BSDC1: variants seen among roughly 807,000 people sequenced by gnomAD.
BSDC1 encodes BSD domain-containing protein 1.
In BSDC1, 29 loss-of-function variants were observed where a neutral mutation model predicts 56.0. The observed-to-expected ratio is 0.52, with a 90% CI of 0.39 to 0.71. The LOEUF is 0.71. Ranked by LOEUF, BSDC1 falls within the 30% of genes least tolerant of loss-of-function variation. BSDC1 has a pLI of 0.00. For synonymous variants in BSDC1, 210 were observed against 215.3 expected (o/e 0.98, Z 0.21); for missense variants, 477 against 548.5 (o/e 0.87, Z 1.30).
At chr1:32,381,733 T>C (rs1488991137) in intron 4 of BSDC1, among the ~76,000 whole-genome samples, 1 of 152,224 alleles carries the variant, frequency 6.6e-6, no homozygotes, top group African/African-American at 2.4e-5. Context: ...CAAACTTAGC[T>C]GGCAAAGACA....
intron 2 of BSDC1, 88 bp downstream of exon 2, chr1:32,393,992 G>A (rs954464137): frequency 1.1e-5 from 16 of 1,394,398 alleles, no homozygotes; most frequent in Non-Finnish European, 1.5e-5. Context: ...CTTAGCGCCC[G>A]CAAAAGTTGG....
chr1:32,374,949 G>A (rs1046366553), intron 9 of BSDC1, among the ~76,000 whole-genome samples: 2 of 152,028 alleles, frequency 1.3e-5, no homozygotes, highest in African/African-American at 4.8e-5. Flanking sequence ...TCAGGAGATC[G>A]AGACCATCCT....
In BSDC1 at chr1:32,376,669, G is replaced by C. The variant is rs1405324468; in HGVS notation, c.749C>G (p.Pro250Arg). 7.1e-7 allele frequency: 1 copy of C among 1,417,532 alleles called. No individual in the cohort carries two copies. Among genetic ancestry groups the C allele is most frequent in the South Asian group, 1.9e-5 (1 of 53,150 alleles). The allele number at this position is 1,417,532 out of a possible 1,614,324, so 87.8% of individuals were successfully genotyped here. A position where few individuals can be genotyped will look rare whatever the true frequency, so the allele number is the denominator to read the frequency against. Residue 250 changes from proline (P) to arginine (R), a missense_variant, in exon 9 of 11, where the codon CCT (proline) becomes CGT (arginine). Pro to Arg is a moderately radical substitution (Grantham distance 103). Coordinates refer to ENST00000455895, the MANE Select transcript of BSDC1 (RefSeq NM_018045.8). ...KVPVAKISTF[P>R]EGEPGPQSPC... The stretch of plus-strand genomic sequence containing the variant: ...GCTCTGGGGGCCAGGTTCTCCTTCA[G>C]GGAATGTAGAAATTTTGGCCACAGG...
intron 2 of BSDC1, chr1:32,393,727 T>C (rs1017605073): frequency 3.4e-6 from 1 of 291,650 alleles, no homozygotes; most frequent in East Asian, 7.2e-5. Context: ...ACTATACGAG[T>C]AAGTTTTTTT....
At chr1:32,371,705 ACTC>A (rs1642095784) in intron 9 of BSDC1, among the ~76,000 whole-genome samples, 1 of 148,912 alleles carries the variant, frequency 6.7e-6, no homozygotes, top group Non-Finnish European at 1.5e-5. Flanking sequence ...TCTCCGACCT[ACTC>A]CTCACCAGAT....
intron 5 of BSDC1, among the ~76,000 whole-genome samples, chr1:32,380,616 AT>A (rs1228232139): frequency 1.3e-5 from 2 of 152,204 alleles, no homozygotes; most frequent in Non-Finnish European, 2.9e-5. Flanking sequence ...ATTGCACTCC[AT>A]CCTGGGAGAC....
chr1:32,369,733 G>A (rs1012254959), intron 9 of BSDC1, among the ~76,000 whole-genome samples: 1 of 152,188 alleles, frequency 6.6e-6, no homozygotes, highest in African/African-American at 2.4e-5. Context: ...CCTTCTAGAT[G>A]TGGCCTACAC....
Position 32,366,569 on chromosome 1 carries a change from A to AGCGAGGGAG in BSDC1, c.*44_*52dup. The AGCGAGGGAG allele has an allele frequency of 1.4e-6, 2 of 1,456,300 alleles. No homozygotes were observed. Among genetic ancestry groups the AGCGAGGGAG allele is most frequent in the Non-Finnish European group, 1.9e-6 (2 of 1,061,426 alleles). The allele number at this position is 1,456,300 out of a possible 1,614,324, so 90.2% of individuals were successfully genotyped here. ...AGTCTTCCAGGGCTGGGCTGAGACG[A>AGCGAGGGAG]GCGAGGGAGGCGAGAGATGCCATGG... On this transcript the variant is annotated 3_prime_UTR_variant, in exon 11 of 11. Coordinates refer to ENST00000455895, the MANE Select transcript of BSDC1 (RefSeq NM_018045.8).
Position 32,378,409 on chromosome 1 carries a change from G to A in BSDC1, c.529-126C>T. On this transcript the variant is annotated intron_variant, in intron 6 of 10. Transcript: ENST00000455895. The surrounding 1 kb of genome is among the most constrained non-coding windows in gnomAD (Gnocchi z 5.2). ...CCCAGTAAGTGGCTTAGCAGTGACA[G>A]TCAGAGCACTTCCACCCCCACCAAA... The A allele has an allele frequency of 1.1e-6, 1 of 917,048 alleles. No homozygotes were observed. Among genetic ancestry groups the A allele is most frequent in the Non-Finnish European group, 1.7e-6 (1 of 579,656 alleles). 56.8% of individuals were successfully genotyped at this position (917,048 alleles called of 1,614,324 possible).
intron 10 of BSDC1, chr1:32,367,349 GC>G: frequency 1.0e-6 from 1 of 985,450 alleles, no homozygotes; most frequent in Non-Finnish European, 1.2e-6. Context: ...AAGCCAGCAA[GC>G]CCCTGTGGCC....
At chr1:32,381,179 C>T (rs757085483) in intron 5 of BSDC1, 35 bp downstream of exon 5, 4 of 1,611,896 alleles carry the variant, frequency 2.5e-6, no homozygotes, top group Non-Finnish European at 2.5e-6. Context: ...GTCTACTTGC[C>T]CTACAAGCCC....
chr1:32,386,019 G>A (rs960013054), intron 3 of BSDC1, among the ~76,000 whole-genome samples: 1 of 151,948 alleles, frequency 6.6e-6, no homozygotes, highest in Non-Finnish European at 1.5e-5. Context: ...AAGGTTTGCA[G>A]TTTAAGTAAA....
At chr1:32,366,897 A>C in intron 10 of BSDC1, 3 of 1,239,258 alleles carry the variant, frequency 2.4e-6, no homozygotes, top group Non-Finnish European at 3.0e-6. Flanking sequence ...CACTTCCCCC[A>C]ACCAACACCA....
intron 2 of BSDC1, among the ~76,000 whole-genome samples, chr1:32,389,513 TCA>T (rs1401954933): frequency 1.3e-5 from 2 of 152,192 alleles, no homozygotes; most frequent in Non-Finnish European, 2.9e-5. Context: ...CTCAAGCAGG[TCA>T]CAGTCTACTG....
chr1:32,376,763 G>A (rs1018160084), intron 8 of BSDC1, 22 bp from the exon 9 acceptor site: 1 of 1,340,764 alleles, frequency 7.5e-7, no homozygotes, highest in Middle Eastern at 2.1e-4. Context: ...GAAAGGGAGG[G>A]GCAAGAGGGA....
chr1:32,393,856 A>G (rs548115208), intron 2 of BSDC1: 1 of 524,494 alleles, frequency 1.9e-6, no homozygotes, highest in African/African-American at 1.9e-5. Flanking sequence ...AACGTTCGTT[A>G]ACTCCAGCCT....
chr1:32,386,145 C>T (rs1040681747), intron 3 of BSDC1, among the ~76,000 whole-genome samples: 2 of 151,944 alleles, frequency 1.3e-5, no homozygotes, highest in African/African-American at 4.8e-5. Context: ...CGGTGCACCC[C>T]GTCTCTACTA....
intron 10 of BSDC1, 48 bp downstream of exon 10, chr1:32,368,399 C>A (rs1002150801): frequency 6.2e-7 from 1 of 1,614,024 alleles, no homozygotes; most frequent in Non-Finnish European, 8.5e-7. Flanking sequence ...AGCTCTCACA[C>A]CCAGGACCAT....
chr1:32,377,480 G>A lies in BSDC1; in HGVS notation c.676+490C>T, dbSNP rs547084771. 5.5e-5 allele frequency among the ~76,000 whole-genome samples: 8 copies of A among 145,230 alleles called. No individual in the cohort carries two copies. The East Asian group carries it at 6.3e-4, about 11-fold the overall frequency. ...TCTTAGGGCAGCCTGGACATATGGT[G>A]TAAACAAGAAATGCGTTAATATTAT... On this transcript the variant is annotated intron_variant, in intron 8 of 10. Transcript: ENST00000455895.
Sources: allele counts gnomAD v4.1 joint callset (sites outside exome capture counted in the v4.1 genomes callset), GRCh38; gene constraint gnomAD v4.1.1; non-coding constraint Gnocchi (gnomAD v3.1); transcripts MANE v1.5; gene names NCBI Gene and HGNC (gene_info 2026-07-23, HGNC 2026-07-21).